DPF3: variants seen among roughly 807,000 people sequenced by gnomAD.
The protein encoded by DPF3 is zinc finger protein DPF3.
A neutral mutation model predicts 56.8 loss-of-function variants in DPF3; 18 were observed. The observed-to-expected ratio is 0.32, with a 90% confidence interval of 0.22 to 0.47. The LOEUF is 0.47. Among genes scored for constraint, DPF3 ranks in the 20% least tolerant of loss-of-function variants. DPF3 has a pLI of 1.00. For missense variants in DPF3, 403 were observed against 488.8 expected (o/e 0.82, Z 1.65); for synonymous variants, 188 against 180.2 (o/e 1.04, Z -0.35).
At chr14:72,782,617 G>A (rs1224072827) in intron 1 of DPF3, among the ~76,000 whole-genome samples, 5 of 152,164 alleles carry the variant, frequency 3.3e-5, no homozygotes, top group South Asian at 2.1e-4. Context: ...GGTGGGTCAC[G>A]AGGTCAGGAG....
At chr14:72,886,828 G>A (rs1417203993) in intron 1 of DPF3, among the ~76,000 whole-genome samples, 1 of 152,016 alleles carries the variant, frequency 6.6e-6, no homozygotes, top group African/African-American at 2.4e-5. Flanking sequence ...TGTCACTGAA[G>A]GGGAGGCATG....
chr14:72,629,815 T>C (rs1214996511), intron 8 of DPF3, 79 bp from the exon 9 acceptor site: 4 of 1,152,334 alleles, frequency 3.5e-6, no homozygotes, highest in Non-Finnish European at 5.0e-6. Context: ...GGAAACACAT[T>C]GATGCCCAGT....
intron 2 of DPF3, among the ~76,000 whole-genome samples, chr14:72,760,532 A>T (rs1390212540): frequency 2.0e-5 from 3 of 152,300 alleles, no homozygotes; most frequent in South Asian, 2.1e-4. Flanking sequence ...TCAGTAATTA[A>T]AATGTGGATG....
At chr14:72,778,479 C>G (rs897121276) in intron 1 of DPF3, among the ~76,000 whole-genome samples, 1 of 152,168 alleles carries the variant, frequency 6.6e-6, no homozygotes, top group African/African-American at 2.4e-5. Flanking sequence ...GCTCAGAGCT[C>G]CCACTGATTC....
chr14:72,673,948 C>G (rs1886800084), intron 8 of DPF3: 1 of 341,626 alleles, frequency 2.9e-6, no homozygotes, highest in South Asian at 5.1e-5. Context: ...TTTTTCCACT[C>G]TACCTCGCTG....
chr14:72,704,401 G>A (rs1310889807), intron 6 of DPF3, among the ~76,000 whole-genome samples: 1 of 152,180 alleles, frequency 6.6e-6, no homozygotes, highest in Admixed American at 6.5e-5. Context: ...CAGGCATCTG[G>A]GAATCCTGCT....
intron 8 of DPF3, chr14:72,661,198 G>A: frequency 1.0e-6 from 1 of 985,210 alleles, no homozygotes; most frequent in Non-Finnish European, 1.2e-6. Flanking sequence ...TTAGCATTTT[G>A]ACAAGGGACA....
At chr14:72,880,180 C>T (rs1346343216) in intron 1 of DPF3, among the ~76,000 whole-genome samples, 1 of 152,214 alleles carries the variant, frequency 6.6e-6, no homozygotes, top group African/African-American at 2.4e-5. Flanking sequence ...CCTGTGTGTA[C>T]TGACTGTGTG....
At chr14:72,843,890 C>T (rs1365589098) in intron 1 of DPF3, among the ~76,000 whole-genome samples, 1 of 152,224 alleles carries the variant, frequency 6.6e-6, no homozygotes, top group Non-Finnish European at 1.5e-5. Context: ...GCATTGCTCT[C>T]TGAGCTTATA....
chr14:72,678,425 TAA>T (rs1366364388), intron 7 of DPF3, among the ~76,000 whole-genome samples: 1 of 152,248 alleles, frequency 6.6e-6, no homozygotes, highest in Non-Finnish European at 1.5e-5. Flanking sequence ...CCTACTACAG[TAA>T]TCCATCCTGG....
At chr14:72,729,873 C>T (rs2059001589) in intron 4 of DPF3, among the ~76,000 whole-genome samples, 1 of 152,082 alleles carries the variant, frequency 6.6e-6, no homozygotes, top group African/African-American at 2.4e-5. Flanking sequence ...TTTGTTCAAA[C>T]CCATTGAATG....
At chr14:72,810,793 G>A (rs774303441) in intron 1 of DPF3, among the ~76,000 whole-genome samples, 4 of 152,126 alleles carry the variant, frequency 2.6e-5, no homozygotes, top group Non-Finnish European at 5.9e-5. Context: ...GAAGACCCCA[G>A]ACTGTCATTG....
intron 1 of DPF3, among the ~76,000 whole-genome samples, chr14:72,824,789 C>G (rs1883717588): frequency 6.6e-6 from 1 of 152,042 alleles, no homozygotes; most frequent in African/African-American, 2.4e-5. Flanking sequence ...CCAGGCTGGT[C>G]TCGAACTCCC....
chr14:72,690,741 T>G (rs1161229687), intron 7 of DPF3, among the ~76,000 whole-genome samples: 1 of 151,768 alleles, frequency 6.6e-6, no homozygotes, highest in Admixed American at 6.6e-5. Flanking sequence ...CCCCAGGGCA[T>G]GAATAAAGGA....
At chr14:72,871,280 C>T (rs1885891102) in intron 1 of DPF3, among the ~76,000 whole-genome samples, 1 of 152,166 alleles carries the variant, frequency 6.6e-6, no homozygotes, top group African/African-American at 2.4e-5. Flanking sequence ...ATATCATGTC[C>T]TCACATTTCA....
chr14:72,756,869 A>AAGGAAGGAAGG lies in DPF3; in HGVS notation c.194-3499_194-3498insCCTTCCTTCCT, dbSNP rs1890829629. Among the ~76,000 whole-genome samples the AAGGAAGGAAGG allele has an allele frequency of 1.5e-3, 144 of 95,690 alleles. 1 individual carries two copies. The highest frequency in any genetic ancestry group is 5.8e-3 in the African/African-American group (135 of 23,356). 62.8% of individuals were successfully genotyped at this position (95,690 alleles called of 152,430 possible). On this transcript the variant is annotated intron_variant, in intron 2 of 10. Coordinates refer to ENST00000556509, the MANE Select transcript of DPF3 (RefSeq NM_001280542.3). ...GAAAGAAAGAAAGAAAGAAAGAAAGAAAGGAAGGAAAGAAGGAAAGAAAGA... is the reference window on the plus strand; with the variant it reads ...GAAAGAAAGAAAGAAAGAAAGAAAGAAGGAAGGAAGGAAGGAAGGAAAGAAGGAAAGAAAGA...
intron 2 of DPF3, among the ~76,000 whole-genome samples, chr14:72,760,931 A>G (rs754902149): frequency 6.6e-6 from 1 of 152,104 alleles, no homozygotes; most frequent in Non-Finnish European, 1.5e-5. Context: ...TGGAGTGGCT[A>G]TATTGGAATT....
At chr14:72,644,010 G>T (rs1028207710) in intron 8 of DPF3, among the ~76,000 whole-genome samples, 1 of 152,040 alleles carries the variant, frequency 6.6e-6, no homozygotes, top group Non-Finnish European at 1.5e-5. Context: ...CCCAAGTCAT[G>T]AATTCACTTT....
intron 4 of DPF3, among the ~76,000 whole-genome samples, chr14:72,727,512 G>C (rs952267485): frequency 4.6e-5 from 7 of 151,530 alleles, no homozygotes; most frequent in Non-Finnish European, 1.0e-4. Context: ...GGAGGTGGAG[G>C]CTGCAGTCAG....
Sources: allele counts gnomAD v4.1 joint callset (sites outside exome capture counted in the v4.1 genomes callset), GRCh38; gene constraint gnomAD v4.1.1; transcripts MANE v1.5; gene names NCBI Gene and HGNC (gene_info 2026-07-23, HGNC 2026-07-21).